SLC35E4: variants seen among roughly 807,000 people sequenced by gnomAD.
SLC35E4 encodes solute carrier family 35, member E4.
SLC35E4 carries 15 observed loss-of-function variants against 19.3 expected under a neutral mutation model. The ratio of observed to expected loss-of-function variants is 0.78; its 90% CI spans 0.52 to 1.20. The LOEUF is 1.20. Among genes scored for constraint, SLC35E4 ranks in the 50% most tolerant of loss-of-function variants. The pLI, the probability that SLC35E4 is intolerant of heterozygous loss-of-function variation, is 0.00. For synonymous variants in SLC35E4, 219 were observed against 219.9 expected (o/e 1.00, Z 0.04); for missense variants, 406 against 472.3 (o/e 0.86, Z 1.30).
At chr22:30,654,584 A>T (rs1006412197) in intron 2 of SLC35E4, 79 of 458,672 alleles carry the variant, frequency 1.7e-4, no homozygotes, top group Non-Finnish European at 7.4e-5. Context: ...GCGGCTGGGG[A>T]CCCGGAAGTG....
At chr22:30,654,802 G>A (rs1277274659) in intron 2 of SLC35E4, 3 of 191,298 alleles carry the variant, frequency 1.6e-5, no homozygotes, top group Non-Finnish European at 3.2e-5. Flanking sequence ...ACCGGGACCT[G>A]CCCCTCTGCC....
downstream of SLC35E4, among the ~76,000 whole-genome samples, chr22:30,664,466 G>A (rs1321549744): frequency 6.6e-6 from 1 of 152,196 alleles, no homozygotes; most frequent in Non-Finnish European, 1.5e-5. Context: ...AGCTCACAGA[G>A]CCCTTTTCTT....
downstream of SLC35E4, chr22:30,663,419 A>G (rs1362394249): frequency 1.3e-6 from 2 of 1,592,994 alleles, no homozygotes; most frequent in African/African-American, 2.7e-5. Context: ...ACTCCAATGC[A>G]GGGGCTCGTG....
Position 30,647,060 on chromosome 22 carries a change from G to T in SLC35E4, c.*29G>T. 1.3e-6 allele frequency: 2 copies of T among 1,563,860 alleles called. No individual in the cohort carries two copies. Among genetic ancestry groups the T allele is most frequent in the Non-Finnish European group, 1.7e-6 (2 of 1,158,088 alleles). Reference sequence around the variant, plus strand: ...CTGGGGGATCTCAGGAGCCACCTGGGATGGCCCTGGCCTGAATCCAGCCTC... The same window carrying T: ...CTGGGGGATCTCAGGAGCCACCTGGTATGGCCCTGGCCTGAATCCAGCCTC... On this transcript the variant is annotated 3_prime_UTR_variant, in exon 2 of 2. Transcript: ENST00000343605.
chr22:30,665,146 A>G, downstream of SLC35E4: 1 of 168,190 alleles, frequency 5.9e-6, no homozygotes, highest in Non-Finnish European at 1.3e-5. Context: ...ACATCTTTAT[A>G]CATTCCGCTG....
downstream of SLC35E4, among the ~76,000 whole-genome samples, chr22:30,652,549 A>C (rs975136908): frequency 2.6e-5 from 4 of 152,268 alleles, no homozygotes; most frequent in Admixed American, 6.5e-5. Context: ...GGAATGAATA[A>C]AGACAACTTG....
intron 2 of SLC35E4, among the ~76,000 whole-genome samples, chr22:30,658,918 G>A (rs1315047075): frequency 6.6e-6 from 1 of 152,108 alleles, no homozygotes; most frequent in Non-Finnish European, 1.5e-5. Context: ...GCTGAGGCGG[G>A]TGGATCACGA....
chr22:30,648,854 AG>A (rs776156608), downstream of SLC35E4, among the ~76,000 whole-genome samples: 38 of 151,882 alleles, frequency 2.5e-4, no homozygotes, highest in Non-Finnish European at 3.2e-4. Flanking sequence ...AAAAAAAAAA[AG>A]GGCTGATGAG....
At chr22:30,650,782 GA>G (rs1178407415), downstream of SLC35E4, among the ~76,000 whole-genome samples, 28 of 152,190 alleles carry the variant, frequency 1.8e-4, no homozygotes, top group African/African-American at 6.7e-4. Context: ...GAGCACATTT[GA>G]GAGTCCCCCA....
chr22:30,654,031 G>C (rs2088282541), intron 2 of SLC35E4: 1 of 156,898 alleles, frequency 6.4e-6, no homozygotes, highest in South Asian at 1.8e-4. Flanking sequence ...CCAGGCTGGA[G>C]TGCAGTGGCG....
rs779024957 is a variant in SLC35E4 at position 30,647,213 on chromosome 22, C to T, written c.*182C>T. The T allele has an allele frequency of 4.3e-6, 3 of 705,648 alleles. No homozygotes were observed. The highest frequency in any genetic ancestry group is 6.8e-6 in the Non-Finnish European group (3 of 440,360). The allele number at this position is 705,648 out of a possible 1,614,324, so 43.7% of individuals were successfully genotyped here. ...AGGAGTTCGAGACCAGCCTGGCTAACATGGCAAAACCTCATCTCTACTAAA... is the reference window on the plus strand; with the variant it reads ...AGGAGTTCGAGACCAGCCTGGCTAATATGGCAAAACCTCATCTCTACTAAA... On this transcript the variant is annotated 3_prime_UTR_variant, in exon 2 of 2. Transcript: ENST00000343605.
At chr22:30,663,760 A>C (rs370884993), downstream of SLC35E4, 8 of 1,614,110 alleles carry the variant, frequency 5.0e-6, no homozygotes, top group Non-Finnish European at 6.8e-6. Context: ...GGGTCAAAGA[A>C]GTCACAGAGA....
At chr22:30,655,255 A>AGACC (rs1760526217) in intron 2 of SLC35E4, among the ~76,000 whole-genome samples, 1 of 151,278 alleles carries the variant, frequency 6.6e-6, no homozygotes, top group South Asian at 2.1e-4. Flanking sequence ...CAGGAGTTCC[A>AGACC]GACCCATCTG....
intron 2 of SLC35E4, among the ~76,000 whole-genome samples, chr22:30,653,621 C>A (rs914014949): frequency 1.3e-5 from 2 of 151,988 alleles, no homozygotes; most frequent in Non-Finnish European, 2.9e-5. Context: ...GACCCGCCCC[C>A]CCTCGGCCTC....
chr22:30,641,705 T>C (rs1225882309), intron 1 of SLC35E4, among the ~76,000 whole-genome samples: 1 of 144,584 alleles, frequency 6.9e-6, no homozygotes, highest in Non-Finnish European at 1.5e-5. Flanking sequence ...GCCACCGTCC[T>C]GGCTAATTTT....
rs373586186 is a variant in SLC35E4, at chr22:30,661,177, G to A, written c.*9-883G>A. ...TCTATATACTAATAATGAGCAATTGGAAAAAAAATCTACAATAGCCACCCC... is the reference window on the plus strand; with the variant it reads ...TCTATATACTAATAATGAGCAATTGAAAAAAAAATCTACAATAGCCACCCC... On this transcript the variant is annotated intron_variant, in intron 2 of 2. Coordinates refer to the SLC35E4 transcript ENST00000406566. Among the ~76,000 whole-genome samples the A allele has an allele frequency of 5.9e-5, 9 of 151,646 alleles. 1 individual carries two copies. Among genetic ancestry groups the A allele is most frequent in the Admixed American group, 3.9e-4 (6 of 15,228 alleles).
At position 30,636,375 on chromosome 22, in the gene SLC35E4, C is replaced by T. The variant is rs962819236; in HGVS notation, c.-76C>T. ...TCGGAGGAACCAGGATCTAGCCTGG[C>T]CCCAAGCGGAACTCTCTGGTGGCCC... On this transcript the variant is annotated 5_prime_UTR_variant, in exon 1 of 2. Transcript: ENST00000343605. 65 of 1,431,394 alleles carry T rather than the reference C, an allele frequency of 4.5e-5. No individual in the cohort carries two copies. The highest frequency in any genetic ancestry group is 5.5e-5 in the Non-Finnish European group (60 of 1,093,762). 88.7% of individuals were successfully genotyped at this position (1,431,394 alleles called of 1,614,324 possible). A position where few individuals can be genotyped will look rare whatever the true frequency, so the allele number is the denominator to read the frequency against.
chr22:30,650,977 A>C (rs1040390659), downstream of SLC35E4, among the ~76,000 whole-genome samples: 1 of 149,542 alleles, frequency 6.7e-6, no homozygotes, highest in Admixed American at 6.7e-5. Context: ...TGGCCCTTGG[A>C]TTGGCATTCC....
intron 1 of SLC35E4, among the ~76,000 whole-genome samples, chr22:30,641,718 ATTTT>A (rs56070783): frequency 0.019 from 2,091 of 108,896 alleles, 59 homozygotes; most frequent in African/African-American, 0.064. Context: ...CTAATTTTTA[ATTTT>A]TTTTTTTTTT....
Sources: gnomAD v4.1 joint callset for allele counts (sites outside exome capture counted in the v4.1 genomes callset) on GRCh38, gnomAD v4.1.1 for gene constraint, MANE v1.5 for transcripts, NCBI Gene and HGNC (gene_info 2026-07-23, HGNC 2026-07-21) for gene names.